NFIC: variants seen among roughly 807,000 people sequenced by gnomAD.
NFIC encodes nuclear factor I C.
A neutral mutation model predicts 54.4 loss-of-function variants in NFIC; 12 were observed. The ratio of observed to expected loss-of-function variants is 0.22; its 90% confidence interval spans 0.14 to 0.36. The LOEUF (loss-of-function observed/expected upper bound fraction) is 0.36. Among genes scored for constraint, NFIC ranks in the 10% least tolerant of loss-of-function variants. The pLI is 1.00. For synonymous variants in NFIC, 322 were observed against 319.2 expected (o/e 1.01, Z -0.09); for missense variants, 575 against 718.2 (o/e 0.80, Z 2.28).
chr19:3,366,796 C>G, intron 1 of NFIC, 130 bp downstream of exon 1: 1 of 597,318 alleles, frequency 1.7e-6, no homozygotes, highest in Non-Finnish European at 2.7e-6. Flanking sequence ...CGGGATGCCC[C>G]CCGCGCCGAG....
chr19:3,429,007 G>A (rs946818556), intron 3 of NFIC, among the ~76,000 whole-genome samples: 1 of 151,866 alleles, frequency 6.6e-6, no homozygotes, highest in Non-Finnish European at 1.5e-5. Context: ...ACAGGGGGCC[G>A]GGTGCGGTGG....
chr19:3,371,671 C>T (rs1042143756), intron 1 of NFIC: 2 of 152,078 alleles, frequency 1.3e-5, no homozygotes, highest in Non-Finnish European at 2.9e-5. Context: ...TGCTGCTGTG[C>T]TTATGGTTGT....
At chr19:3,456,795 C>A (rs948672899) in intron 10 of NFIC, 160 bp downstream of exon 10, 2 of 717,700 alleles carry the variant, frequency 2.8e-6, no homozygotes, top group East Asian at 5.5e-5. Flanking sequence ...CCCCACCTGG[C>A]CTCTCCCTGA....
At chr19:3,367,192 G>A (rs937428569) in intron 1 of NFIC, among the ~76,000 whole-genome samples, 1 of 152,196 alleles carries the variant, frequency 6.6e-6, no homozygotes, top group African/African-American at 2.4e-5. Flanking sequence ...CCTGGCCCTC[G>A]GTCGCCTTTC....
intron 2 of NFIC, among the ~76,000 whole-genome samples, chr19:3,394,658 C>T (rs2081434169): frequency 6.6e-6 from 1 of 151,596 alleles, no homozygotes; most frequent in African/African-American, 2.4e-5. Context: ...GGGTTCCCGA[C>T]CCCCGGGCCA....
upstream of NFIC, among the ~76,000 whole-genome samples, chr19:3,364,163 A>AC (rs1331744518): frequency 1.3e-5 from 2 of 152,016 alleles, no homozygotes; most frequent in African/African-American, 4.8e-5. Flanking sequence ...TGCTTTGAAA[A>AC]AAAAAAAAAA....
rs1488066344 is a variant in NFIC, at chr19:3,467,780, T to TAC, written c.*5012_*5013insCA. On this transcript the variant is annotated 3_prime_UTR_variant, in exon 11 of 11. Transcript: ENST00000443272. ...ATACATATATATATATATATATATA[T>TAC]ATATATATAATTTTGGAATTTGTTT... The TAC allele has an allele frequency of 4.2e-4, 57 of 136,840 alleles. 1 individual carries two copies. The East Asian group carries it at 0.013, about 32-fold the overall frequency. The allele number at this position is 136,840 out of a possible 1,614,324, so 8.5% of individuals were successfully genotyped here. A position where few individuals can be genotyped will look rare whatever the true frequency, so the allele number is the denominator to read the frequency against.
rs765653091 is a variant in NFIC at position 3,366,705 on chromosome 19, C to A, written c.30+39C>A. Reference sequence around the variant, plus strand: ...CCGGCCCCCCGCCGGCGCCCCCGCGCCCCCCGCATCCCAGCCCCGGAGTTT... The same window carrying A: ...CCGGCCCCCCGCCGGCGCCCCCGCGACCCCCGCATCCCAGCCCCGGAGTTT... On this transcript the variant is annotated intron_variant, in intron 1 of 10. Transcript: ENST00000443272. 6.1e-6 allele frequency: 8 copies of A among 1,309,956 alleles called. No homozygotes were observed. In the South Asian group the frequency reaches 1.1e-4, roughly 18 times the overall value. The allele number at this position is 1,309,956 out of a possible 1,614,324, so 81.1% of individuals were successfully genotyped here.
rs990069405 is a variant in NFIC at position 3,467,971 on chromosome 19, C to T, written c.*5202C>T. ...CCCATTTCTGCCACGTCAGACACTT[C>T]CTGAGAGTCTCACCTTCAAAATGAC... On this transcript the variant is annotated 3_prime_UTR_variant, in exon 11 of 11. Coordinates refer to ENST00000443272, the MANE Select transcript of NFIC (RefSeq NM_001245002.2). The T allele has an allele frequency of 2.0e-5, 3 of 151,550 alleles. No homozygotes were observed. The highest frequency in any genetic ancestry group is 4.9e-5 in the African/African-American group (2 of 41,098). The allele number at this position is 151,550 out of a possible 1,614,324, so 9.4% of individuals were successfully genotyped here.
chr19:3,441,225 C>A (rs1482744946), intron 6 of NFIC, among the ~76,000 whole-genome samples: 2 of 152,240 alleles, frequency 1.3e-5, no homozygotes, highest in Non-Finnish European at 2.9e-5. Context: ...GAGGTGACAT[C>A]ACCTGCTCCA....
chr19:3,412,598 G>A lies in NFIC; in HGVS notation c.563-12508G>A, dbSNP rs141211836. ...AGAGAGGTGCAGACAAAACTGGGTTGGTGCATCCACATCCCTCTCTGTGTG... is the reference window on the plus strand; with the variant it reads ...AGAGAGGTGCAGACAAAACTGGGTTAGTGCATCCACATCCCTCTCTGTGTG... On this transcript the variant is annotated intron_variant, in intron 2 of 10. Coordinates refer to ENST00000443272, the MANE Select transcript of NFIC (RefSeq NM_001245002.2). 1.2e-3 allele frequency among the ~76,000 whole-genome samples: 178 copies of A among 152,144 alleles called. No individual in the cohort carries two copies. In the Middle Eastern group the frequency reaches 0.041, roughly 35 times the overall value.
chr19:3,427,455 AAAG>A (rs375850867), intron 3 of NFIC, among the ~76,000 whole-genome samples: 43 of 152,274 alleles, frequency 2.8e-4, no homozygotes, highest in South Asian at 2.1e-4. Context: ...TGTAGAAAGA[AAAG>A]AAGGAGAGAG....
Position 3,385,570 on chromosome 19 carries a change from G to GTTT in NFIC, c.562+3329_562+3330insTTT, listed in dbSNP as rs1393908554. 2.1e-4 allele frequency among the ~76,000 whole-genome samples: 29 copies of GTTT among 135,606 alleles called. No homozygotes were observed. In the East Asian group the frequency reaches 5.7e-3, roughly 27 times the overall value. The allele number at this position is 135,606 out of a possible 152,430, so 89.0% of individuals were successfully genotyped here. On this transcript the variant is annotated intron_variant, in intron 2 of 10. Transcript: ENST00000443272. ...TTTTTTGGGGGTTTTTTTGGTTGTT[G>GTTT]TTGTTTTTTTTTTTTTTTTTGAGAC...
chr19:3,378,834 G>C (rs2145462467), intron 1 of NFIC, among the ~76,000 whole-genome samples: 1 of 152,212 alleles, frequency 6.6e-6, no homozygotes, highest in South Asian at 2.1e-4. Context: ...TCAGCACAGT[G>C]GGTTCATGGA....
At chr19:3,426,925 CTTTTT>C (rs547112160) in intron 3 of NFIC, among the ~76,000 whole-genome samples, 3 of 137,628 alleles carry the variant, frequency 2.2e-5, no homozygotes, top group Admixed American at 7.3e-5. Context: ...TACCCTCAAT[CTTTTT>C]TTTTTTTTTT....
intron 2 of NFIC, among the ~76,000 whole-genome samples, chr19:3,383,383 A>C (rs1351126650): frequency 1.3e-5 from 2 of 152,122 alleles, no homozygotes; most frequent in Non-Finnish European, 2.9e-5. Flanking sequence ...GAACAAGGAG[A>C]TGCCCCAGGG....
intron 3 of NFIC, among the ~76,000 whole-genome samples, chr19:3,427,813 C>CAAA (rs35768795): frequency 1.8e-4 from 14 of 76,522 alleles, no homozygotes; most frequent in African/African-American, 2.3e-4. Flanking sequence ...GAGACTCTGT[C>CAAA]AAAAAAAAAA....
intron 2 of NFIC, among the ~76,000 whole-genome samples, chr19:3,399,661 C>G (rs1486297861): frequency 1.3e-5 from 2 of 152,102 alleles, no homozygotes; most frequent in East Asian, 3.9e-4. Context: ...CACTTGAGAT[C>G]AAGAGTTCCA....
chr19:3,394,513 T>TCCCCCCCCCCCCCCCCCCCCC (rs1192475558), intron 2 of NFIC, among the ~76,000 whole-genome samples: 1 of 9,004 alleles, frequency 1.1e-4, no homozygotes, highest in African/African-American at 3.9e-4. Context: ...TTATGATCTT[T>TCCCCCCCCCCCCCCCCCCCCC]TCCCCACCCA....
Sources: gnomAD v4.1 joint callset for allele counts (sites outside exome capture counted in the v4.1 genomes callset) on GRCh38, gnomAD v4.1.1 for gene constraint, MANE v1.5 for transcripts, NCBI Gene and HGNC (gene_info 2026-07-23, HGNC 2026-07-21) for gene names.